The following GRIN2D variants were observed in gnomAD, a reference collection of about 807,000 sequenced individuals.
GRIN2D encodes the protein glutamate receptor ionotropic, NMDA 2D.
A neutral mutation model predicts 103.2 loss-of-function variants in GRIN2D; 37 were observed. The observed-to-expected ratio is 0.36, with a 90% CI of 0.28 to 0.47. The LOEUF (loss-of-function observed/expected upper bound fraction) is 0.47, where lower values mean the gene tolerates loss of function less well. GRIN2D is among the 20% of genes least tolerant of loss of function. GRIN2D has a pLI of 1.00. For synonymous variants in GRIN2D, 845 were observed against 885.6 expected (o/e 0.95, Z 0.81); for missense variants, 1,557 against 1,910.6 (o/e 0.81, Z 3.45).
Position 48,404,978 on chromosome 19 carries a change from G to A in GRIN2D, c.710G>A (p.Arg237His). Residue 237 changes from arginine to histidine, a missense_variant, in exon 4 of 14, where the codon CGC becomes CAC. Physicochemically the swap from Arg to His is conservative, Grantham distance 29. This residue lies in a region of GRIN2D where 490 missense variants were observed against 601.1 expected (regional missense o/e 0.82). Coordinates refer to ENST00000263269, the MANE Select transcript of GRIN2D (RefSeq NM_000836.4). ...AGEAVLSAQLRSVSAQIRLLF... is the reference protein window; with the variant it reads ...AGEAVLSAQLHSVSAQIRLLF... The stretch of plus-strand genomic sequence containing the variant: ...GAGGCCGTGCTCAGTGCCCAGCTCC[G>A]CAGTGTCAGCGCGCAGATCCGCCTG... The A allele has an allele frequency of 6.2e-7, 1 of 1,612,226 alleles. No individual in the cohort carries two copies. The highest frequency in any genetic ancestry group is 8.5e-7 in the Non-Finnish European group (1 of 1,179,584).
chr19:48,396,559 G>A (rs1970644528), intron 2 of GRIN2D, among the ~76,000 whole-genome samples: 1 of 152,002 alleles, frequency 6.6e-6, no homozygotes, highest in Non-Finnish European at 1.5e-5. Flanking sequence ...GGCGGAGTGG[G>A]GGGGTTATTC....
At chr19:48,433,279 C>T (rs1274577970) in intron 11 of GRIN2D, among the ~76,000 whole-genome samples, 4 of 151,654 alleles carry the variant, frequency 2.6e-5, no homozygotes, top group East Asian at 2.0e-4. Flanking sequence ...GAGGCAGAAT[C>T]GCTTGAACCC....
At chr19:48,401,041 C>T (rs1410637637) in intron 3 of GRIN2D, among the ~76,000 whole-genome samples, 1 of 151,012 alleles carries the variant, frequency 6.6e-6, no homozygotes. Flanking sequence ...CGAGATCTTG[C>T]CACTGCACTC....
chr19:48,438,691 C>T (rs1021037457), intron 11 of GRIN2D, among the ~76,000 whole-genome samples: 1 of 152,150 alleles, frequency 6.6e-6, no homozygotes, highest in Non-Finnish European at 1.5e-5. Flanking sequence ...GCCTCAGCCT[C>T]CCAAAGCGCT....
intron 11 of GRIN2D, among the ~76,000 whole-genome samples, chr19:48,433,950 T>C (rs1435748946): frequency 6.6e-6 from 1 of 151,176 alleles, no homozygotes; most frequent in Non-Finnish European, 1.5e-5. Flanking sequence ...CCGCTTCTTT[T>C]CTTTTTTTTT....
chr19:48,415,880 C>G, intron 7 of GRIN2D, 122 bp from the exon 8 acceptor site: 4 of 832,252 alleles, frequency 4.8e-6, no homozygotes, highest in Non-Finnish European at 8.1e-6. Context: ...CGCAATCCCT[C>G]TTGGCCCCTT....
At chr19:48,409,973 C>T (rs1441183802) in intron 4 of GRIN2D, among the ~76,000 whole-genome samples, 4 of 147,964 alleles carry the variant, frequency 2.7e-5, no homozygotes, top group Admixed American at 2.7e-4. Context: ...TTAGTAGAGA[C>T]GGGGTTTCAC....
At chr19:48,398,901 A>AC in intron 3 of GRIN2D, 44 bp downstream of exon 3, 2 of 1,255,298 alleles carry the variant, frequency 1.6e-6, no homozygotes, top group Non-Finnish European at 2.0e-6. Context: ...AGGGGCGGGG[A>AC]CAGCCGCTGA....
At chr19:48,422,903 C>T (rs924433635) in intron 11 of GRIN2D, among the ~76,000 whole-genome samples, 6 of 152,048 alleles carry the variant, frequency 3.9e-5, no homozygotes, top group African/African-American at 1.2e-4. Flanking sequence ...ACCACCTGGC[C>T]AACATAGTGA....
At chr19:48,416,937 G>T (rs1454032508) in intron 8 of GRIN2D, among the ~76,000 whole-genome samples, 4 of 152,034 alleles carry the variant, frequency 2.6e-5, no homozygotes, top group Non-Finnish European at 5.9e-5. Flanking sequence ...TAGAGACGGG[G>T]TTTCACCATG....
At position 48,442,491 on chromosome 19, in the gene GRIN2D, A is replaced by G. The variant is rs1971309708; in HGVS notation, c.2673+109A>G. The G allele has an allele frequency of 6.6e-7, 1 of 1,512,622 alleles. No homozygotes were observed. The highest frequency in any genetic ancestry group is 2.0e-5 in the Admixed American group (1 of 49,324). The allele number at this position is 1,512,622 out of a possible 1,614,324, so 93.7% of individuals were successfully genotyped here. Reference sequence around the variant, plus strand: ...GGTCGAGATGTGGATAGTGGGGAAGAGAGCGGGAAACACAGGCGGGTAAAT... The same window carrying G: ...GGTCGAGATGTGGATAGTGGGGAAGGGAGCGGGAAACACAGGCGGGTAAAT... On this transcript the variant is annotated intron_variant, in intron 13 of 13. Transcript: ENST00000263269. The surrounding 1 kb of genome is among the most constrained non-coding windows in gnomAD (Gnocchi z 7.2).
chr19:48,423,983 T>A (rs947173519), intron 11 of GRIN2D, among the ~76,000 whole-genome samples: 3 of 152,118 alleles, frequency 2.0e-5, no homozygotes, highest in African/African-American at 7.2e-5. Context: ...TATGCCTGGC[T>A]AATTTTTGTA....
intron 3 of GRIN2D, among the ~76,000 whole-genome samples, chr19:48,403,366 A>G (rs1970741654): frequency 6.6e-6 from 1 of 152,216 alleles, no homozygotes; most frequent in Non-Finnish European, 1.5e-5. Flanking sequence ...TGAAAGCCAC[A>G]AGCCACATGT....
intron 11 of GRIN2D, among the ~76,000 whole-genome samples, chr19:48,432,657 C>G (rs1267595113): frequency 6.7e-6 from 1 of 150,326 alleles, no homozygotes; most frequent in African/African-American, 2.5e-5. Flanking sequence ...GGGGGTCTCA[C>G]TATGTTGCCC....
At chr19:48,404,694 C>G in intron 3 of GRIN2D, 40 bp from the exon 4 acceptor site, 1 of 1,541,816 alleles carries the variant, frequency 6.5e-7, no homozygotes, top group Non-Finnish European at 8.7e-7. Context: ...AATAAGGTCC[C>G]CACATCGGCA....
chr19:48,394,721 G>A lies in GRIN2D; in HGVS notation c.-242G>A, dbSNP rs1970615521. Reference sequence around the variant, plus strand: ...GCCGCAACCTTGGGGGAGAGACAGGGCAGGACAGGACCAAGGAAGAGGAAG... The same window carrying A: ...GCCGCAACCTTGGGGGAGAGACAGGACAGGACAGGACCAAGGAAGAGGAAG... On this transcript the variant is annotated 5_prime_UTR_variant, in exon 2 of 14. Coordinates refer to ENST00000263269, the MANE Select transcript of GRIN2D (RefSeq NM_000836.4). This position sits in a 1 kb window ranked among gnomAD's most constrained non-coding sequence, Gnocchi z 5.1. Among the ~76,000 whole-genome samples the A allele has an allele frequency of 6.6e-6, 1 of 152,186 alleles. No individual in the cohort carries two copies. Among genetic ancestry groups the A allele is most frequent in the Non-Finnish European group, 1.5e-5 (1 of 68,020 alleles).
chr19:48,441,654 C>A, intron 11 of GRIN2D, 115 bp from the exon 12 acceptor site: 1 of 769,744 alleles, frequency 1.3e-6, no homozygotes, highest in Non-Finnish European at 2.1e-6. Flanking sequence ...TGCTCAAGAG[C>A]TCAGGGCCAG....
Position 48,405,465 on chromosome 19 carries a change from T to G in GRIN2D, c.1085+112T>G. ...CCACATCTGCTCTTTGAGCCTCAGTTTTCTTTTCTGTAAAGTGGGTGCAAT... is the reference window on the plus strand; with the variant it reads ...CCACATCTGCTCTTTGAGCCTCAGTGTTCTTTTCTGTAAAGTGGGTGCAAT... On this transcript the variant is annotated intron_variant, in intron 4 of 13. Coordinates refer to ENST00000263269, the MANE Select transcript of GRIN2D (RefSeq NM_000836.4). The surrounding 1 kb of genome is among the most constrained non-coding windows in gnomAD (Gnocchi z 5.1). 1 of 1,157,188 alleles carries G rather than the reference T, an allele frequency of 8.6e-7. No homozygotes were observed. The highest frequency in any genetic ancestry group is 1.2e-6 in the Non-Finnish European group (1 of 862,124). The allele number at this position is 1,157,188 out of a possible 1,614,324, so 71.7% of individuals were successfully genotyped here.
rs2147475407 is a variant in GRIN2D, at chr19:48,442,217, G to A, written c.2508G>A (p.Met836Ile). 6.2e-7 allele frequency: 1 copy of A among 1,614,190 alleles called. No individual in the cohort carries two copies. The highest frequency in any genetic ancestry group is 8.5e-7 in the Non-Finnish European group (1 of 1,180,030). The change falls in exon 13 of 14, where the codon ATG (methionine) becomes ATA (isoleucine). Residue 836 changes from methionine to isoleucine, a missense_variant. Transcript: ENST00000263269. This position sits in a 1 kb window ranked among gnomAD's most constrained non-coding sequence, Gnocchi z 7.2. ...GICHNDKIEV[M>I]SSKLDIDNMA... ...GCCACAATGACAAAATCGAGGTGATGAGCAGCAAGCTGGACATCGACAACA... is the reference window on the plus strand; with the variant it reads ...GCCACAATGACAAAATCGAGGTGATAAGCAGCAAGCTGGACATCGACAACA...
Sources: allele counts gnomAD v4.1 joint callset (sites outside exome capture counted in the v4.1 genomes callset), GRCh38; gene constraint gnomAD v4.1.1; regional missense constraint gnomAD v4.1.1; non-coding constraint Gnocchi (gnomAD v3.1); transcripts MANE v1.5; gene names NCBI Gene and HGNC (gene_info 2026-07-23, HGNC 2026-07-21).